Variants in CFAP57 observed in about 807,000 individuals in gnomAD.
CFAP57 encodes cilia and flagella associated protein 57.
CFAP57 carries 116 observed loss-of-function variants against 146.8 expected under a neutral mutation model. The ratio of observed to expected loss-of-function variants is 0.79; its 90% CI spans 0.68 to 0.92. The LOEUF is 0.92. Among genes scored for constraint, CFAP57 ranks in the 40% least tolerant of loss-of-function variants. CFAP57 has a pLI of 0.00. For synonymous variants in CFAP57, 518 were observed against 552.8 expected (o/e 0.94, Z 0.88); for missense variants, 1,377 against 1,527.2 (o/e 0.90, Z 1.64).
intron 12 of CFAP57, among the ~76,000 whole-genome samples, chr1:43,216,182 T>A (rs1644825121): frequency 6.6e-6 from 1 of 152,182 alleles, no homozygotes; most frequent in Non-Finnish European, 1.5e-5. Context: ...TACCATTTGC[T>A]AGGCACTGGG....
chr1:43,199,269 C>T (rs542839825), intron 8 of CFAP57, 121 bp from the exon 9 acceptor site: 24 of 905,032 alleles, frequency 2.7e-5, no homozygotes, highest in Middle Eastern at 2.1e-4. Flanking sequence ...ACCTTCCCCC[C>T]ACTCCCACCC....
intron 12 of CFAP57, among the ~76,000 whole-genome samples, chr1:43,217,015 T>C (rs1644859421): frequency 6.6e-6 from 1 of 152,240 alleles, no homozygotes; most frequent in African/African-American, 2.4e-5. Flanking sequence ...GGGAAGGAAC[T>C]TGGCTCAGGC....
chr1:43,253,892 T>A, intron 22 of CFAP57, 85 bp from the exon 23 acceptor site: 1 of 1,244,842 alleles, frequency 8.0e-7, no homozygotes. Flanking sequence ...AATAAATGTT[T>A]GAGGAAGCAG....
chr1:43,219,348 C>G (rs1335445486), intron 12 of CFAP57, 34 bp from the exon 13 acceptor site: 1 of 1,536,070 alleles, frequency 6.5e-7, no homozygotes, highest in East Asian at 2.5e-5. Flanking sequence ...CCCTTACTGT[C>G]AGTGTTCTTG....
At chr1:43,216,113 C>T (rs1203840741) in intron 12 of CFAP57, among the ~76,000 whole-genome samples, 1 of 152,172 alleles carries the variant, frequency 6.6e-6, no homozygotes. Flanking sequence ...CATGGAGGAT[C>T]GCAAAGCTAC....
chr1:43,233,559 C>G (rs1645561237), intron 19 of CFAP57, among the ~76,000 whole-genome samples: 1 of 152,074 alleles, frequency 6.6e-6, no homozygotes. Context: ...CTAGGTAACA[C>G]CAGCAGCTGC....
chr1:43,244,344 T>TA (rs1646034786), intron 22 of CFAP57, among the ~76,000 whole-genome samples: 1 of 152,190 alleles, frequency 6.6e-6, no homozygotes, highest in African/African-American at 2.4e-5. Flanking sequence ...CACATAAGCT[T>TA]ATGATGGGGA....
At chr1:43,220,324 A>C (rs1160402782) in intron 13 of CFAP57, among the ~76,000 whole-genome samples, 1 of 152,232 alleles carries the variant, frequency 6.6e-6, no homozygotes, top group African/African-American at 2.4e-5. Context: ...TGATTCCTGG[A>C]TTGTCAGGAA....
intron 18 of CFAP57, among the ~76,000 whole-genome samples, chr1:43,228,580 G>C (rs558959554): frequency 6.7e-6 from 1 of 148,668 alleles, no homozygotes; most frequent in East Asian, 2.1e-4. Context: ...CAGGGCCAGG[G>C]GGCCCAGAGA....
At position 43,195,457 on chromosome 1, in the gene CFAP57, G is replaced by C. The variant is rs561941126; in HGVS notation, c.1123-2096G>C. Among the ~76,000 whole-genome samples, 5 of 151,828 alleles carry C rather than the reference G, an allele frequency of 3.3e-5. No individual in the cohort carries two copies. In the East Asian group the frequency reaches 9.7e-4, roughly 29 times the overall value. ...GAATCGCTTGAACCTGGGAGGCGGA[G>C]TTGCAGTGAGCCGAGATCACGCCAC... On this transcript the variant is annotated intron_variant, in intron 6 of 22. Transcript: ENST00000372492.
At chr1:43,231,793 G>A (rs577859130) in intron 18 of CFAP57, among the ~76,000 whole-genome samples, 42 of 152,006 alleles carry the variant, frequency 2.8e-4, no homozygotes, top group African/African-American at 9.9e-4. Context: ...GCTTAAACCC[G>A]GAGGCGGAGG....
chr1:43,254,195 C>G lies in CFAP57; in HGVS notation c.*4C>G. The stretch of plus-strand genomic sequence containing the variant: ...CTTAGAGGTGAAGACCAACTGACCC[C>G]CTCTGGTGAGCCATCTCCAGCCACA... On this transcript the variant is annotated 3_prime_UTR_variant, in exon 23 of 23. Coordinates refer to ENST00000372492, the MANE Select transcript of CFAP57 (RefSeq NM_001378189.1). 2.6e-6 allele frequency: 4 copies of G among 1,543,810 alleles called. No individual in the cohort carries two copies. The highest frequency in any genetic ancestry group is 3.5e-6 in the Non-Finnish European group (4 of 1,143,240).
intron 6 of CFAP57, among the ~76,000 whole-genome samples, chr1:43,187,626 C>T (rs1406862588): frequency 6.6e-6 from 1 of 151,684 alleles, no homozygotes; most frequent in Admixed American, 6.6e-5. Flanking sequence ...AGCGCATACC[C>T]TTTAGCTATT....
chr1:43,188,068 T>C (rs1643267170), intron 6 of CFAP57, among the ~76,000 whole-genome samples: 1 of 152,148 alleles, frequency 6.6e-6, no homozygotes, highest in South Asian at 2.1e-4. Flanking sequence ...CCTCCCAAAG[T>C]GTTGGGATTA....
chr1:43,225,669 T>C (rs916789908), intron 17 of CFAP57, among the ~76,000 whole-genome samples: 1 of 152,276 alleles, frequency 6.6e-6, no homozygotes, highest in African/African-American at 2.4e-5. Context: ...CTTTGCCTTC[T>C]GTGCTTTACA....
At chr1:43,186,956 C>A in intron 6 of CFAP57, 97 bp downstream of exon 6, 1 of 1,428,344 alleles carries the variant, frequency 7.0e-7, no homozygotes, top group Non-Finnish European at 9.7e-7. Context: ...AATAAGTTAG[C>A]ATAAACTCAT....
chr1:43,242,336 T>G (rs1645956891), intron 21 of CFAP57, among the ~76,000 whole-genome samples: 1 of 152,168 alleles, frequency 6.6e-6, no homozygotes, highest in Non-Finnish European at 1.5e-5. Context: ...TGTAAACTCC[T>G]CAAGAGCAGA....
chr1:43,200,044 G>A (rs1328312137), intron 9 of CFAP57, among the ~76,000 whole-genome samples: 4 of 152,176 alleles, frequency 2.6e-5, no homozygotes, highest in South Asian at 2.1e-4. Context: ...GAATATGACC[G>A]GATTTGCATT....
chr1:43,202,509 G>A (rs542039407), intron 9 of CFAP57, among the ~76,000 whole-genome samples: 10 of 152,294 alleles, frequency 6.6e-5, no homozygotes, highest in Admixed American at 2.6e-4. Flanking sequence ...GGGTCCGGGC[G>A]CAGTCACTCA....
Sources: gnomAD v4.1 joint callset for allele counts (sites outside exome capture counted in the v4.1 genomes callset) on GRCh38, gnomAD v4.1.1 for gene constraint, MANE v1.5 for transcripts, NCBI Gene and HGNC (gene_info 2026-07-23, HGNC 2026-07-21) for gene names.